Variants in MARCHF11 observed in about 807,000 individuals in gnomAD.
MARCHF11 encodes membrane associated ring-CH-type finger 11.
In MARCHF11, 29 loss-of-function variants were observed where a neutral mutation model predicts 37.3. The observed-to-expected ratio is 0.78, with a 90% CI of 0.58 to 1.06. The LOEUF is 1.06. MARCHF11 is among the 50% of genes least tolerant of loss of function. The pLI is 0.00. For missense variants in MARCHF11, 482 were observed against 533.4 expected, an observed-to-expected ratio of 0.90 and a Z score of 0.95; for synonymous variants, 233 against 228.0, an observed-to-expected ratio of 1.02 and a Z score of -0.20.
At chr5:16,176,246 A>G (rs1372788357) in intron 2 of MARCHF11, among the ~76,000 whole-genome samples, 1 of 152,146 alleles carries the variant, frequency 6.6e-6, no homozygotes, top group East Asian at 1.9e-4. Context: ...GTTTCAGCCA[A>G]TGAGTGTCTG....
intron 2 of MARCHF11, among the ~76,000 whole-genome samples, chr5:16,117,533 C>T (rs888828275): frequency 3.9e-5 from 6 of 152,288 alleles, no homozygotes; most frequent in African/African-American, 1.4e-4. Context: ...TGGTCTTGAG[C>T]CTACAGGAAG....
At chr5:16,084,290 C>T (rs961630681) in intron 3 of MARCHF11, among the ~76,000 whole-genome samples, 2 of 152,146 alleles carry the variant, frequency 1.3e-5, no homozygotes, top group Non-Finnish European at 2.9e-5. Context: ...GTAGCTCTAG[C>T]TAGATATATT....
intron 3 of MARCHF11, among the ~76,000 whole-genome samples, chr5:16,076,488 G>C (rs1197802819): frequency 6.6e-6 from 1 of 152,118 alleles, no homozygotes; most frequent in East Asian, 1.9e-4. Context: ...ATAATTGGTA[G>C]AATGGACTGG....
rs1427608914 is a variant in MARCHF11, at chr5:16,160,769, G to C, written c.693+16957C>G. On this transcript the variant is annotated intron_variant, in intron 2 of 3. Coordinates refer to ENST00000332432, the MANE Select transcript of MARCHF11 (RefSeq NM_001102562.3). ...CAAATTAGGTGAGCAATAACAAATG[G>C]CAAAGCTTTTTAAGTAAATGGAACC... Among the ~76,000 whole-genome samples the C allele has an allele frequency of 2.6e-5, 4 of 151,874 alleles. No homozygotes were observed. The East Asian group carries it at 7.8e-4, about 30-fold the overall frequency.
intron 3 of MARCHF11, among the ~76,000 whole-genome samples, chr5:16,072,155 C>G (rs1736450757): frequency 6.6e-6 from 1 of 152,040 alleles, no homozygotes; most frequent in South Asian, 2.1e-4. Flanking sequence ...AAATTCAGAC[C>G]TAGAGAGCTG....
intron 2 of MARCHF11, among the ~76,000 whole-genome samples, chr5:16,168,560 A>T (rs1738208158): frequency 6.6e-6 from 1 of 152,140 alleles, no homozygotes; most frequent in South Asian, 2.1e-4. Context: ...GTGGTTTTGC[A>T]TTCAAAATTT....
intron 2 of MARCHF11, among the ~76,000 whole-genome samples, chr5:16,093,009 C>A (rs906815890): frequency 2.0e-5 from 3 of 152,186 alleles, no homozygotes; most frequent in Non-Finnish European, 2.9e-5. Flanking sequence ...ATATGGTGAG[C>A]AACGAAGAAA....
At chr5:16,170,709 A>C (rs1738249064) in intron 2 of MARCHF11, among the ~76,000 whole-genome samples, 1 of 152,176 alleles carries the variant, frequency 6.6e-6, no homozygotes, top group African/African-American at 2.4e-5. Flanking sequence ...AATGAATGTC[A>C]GCAATATTGA....
intron 2 of MARCHF11, among the ~76,000 whole-genome samples, chr5:16,164,708 GT>G (rs1399296511): frequency 6.6e-6 from 1 of 152,004 alleles, no homozygotes; most frequent in East Asian, 1.9e-4. Context: ...AAGTCCACAT[GT>G]TTTTGCCAAA....
At chr5:16,092,187 T>C (rs1205456389) in intron 2 of MARCHF11, among the ~76,000 whole-genome samples, 1 of 144,740 alleles carries the variant, frequency 6.9e-6, no homozygotes, top group East Asian at 1.9e-4. Flanking sequence ...TCTCCCTCAT[T>C]GTCTGTCTCT....
chr5:16,158,176 A>T (rs1424847753), intron 2 of MARCHF11, among the ~76,000 whole-genome samples: 1 of 151,956 alleles, frequency 6.6e-6, no homozygotes, highest in Non-Finnish European at 1.5e-5. Flanking sequence ...ACGAAAGATA[A>T]GTGTTGGCAA....
At chr5:16,098,281 T>C (rs139339134) in intron 2 of MARCHF11, among the ~76,000 whole-genome samples, 316 of 152,310 alleles carry the variant, frequency 2.1e-3, no homozygotes, top group African/African-American at 7.2e-3. Flanking sequence ...TTTACTTCTA[T>C]TCGACCTTGC....
intron 2 of MARCHF11, among the ~76,000 whole-genome samples, chr5:16,126,730 G>C (rs1397622566): frequency 6.6e-6 from 1 of 152,084 alleles, no homozygotes; most frequent in Non-Finnish European, 1.5e-5. Context: ...GGACACACAG[G>C]GTTAAGATTC....
At chr5:16,164,824 C>T (rs750079221) in intron 2 of MARCHF11, among the ~76,000 whole-genome samples, 1 of 152,046 alleles carries the variant, frequency 6.6e-6, no homozygotes, top group Non-Finnish European at 1.5e-5. Flanking sequence ...GCACAGCCAC[C>T]ATTTTGTCCC....
At chr5:16,108,775 G>A (rs2126568698) in intron 2 of MARCHF11, among the ~76,000 whole-genome samples, 1 of 152,276 alleles carries the variant, frequency 6.6e-6, no homozygotes, top group Admixed American at 6.5e-5. Context: ...TTATCTCCAA[G>A]TAGCTAAGTT....
At chr5:16,137,687 T>G (rs1579405057) in intron 2 of MARCHF11, among the ~76,000 whole-genome samples, 1 of 152,144 alleles carries the variant, frequency 6.6e-6, no homozygotes. Flanking sequence ...TTCTAGAGAC[T>G]TATTGAATTG....
chr5:16,139,967 C>T lies in MARCHF11; in HGVS notation c.693+37759G>A, dbSNP rs1349636455. 3.3e-5 allele frequency among the ~76,000 whole-genome samples: 5 copies of T among 152,128 alleles called. No individual in the cohort carries two copies. The East Asian group carries it at 9.6e-4, about 29-fold the overall frequency. ...ATTACAAAAGTAGAAATTAAATAGA[C>T]AATACTTGCTGTTGACAATGTAATA... On this transcript the variant is annotated intron_variant, in intron 2 of 3. Transcript: ENST00000332432.
chr5:16,123,719 A>G (rs1389389326), intron 2 of MARCHF11, among the ~76,000 whole-genome samples: 1 of 150,032 alleles, frequency 6.7e-6, no homozygotes. Context: ...ACTGCCTCAT[A>G]GATACCTGCT....
In MARCHF11 at chr5:16,067,296, A is replaced by G. The variant is rs550654845; in HGVS notation, c.*175T>C. The G allele has an allele frequency of 3.5e-6, 2 of 572,488 alleles. No individual in the cohort carries two copies. The highest frequency in any genetic ancestry group is 5.7e-5 in the South Asian group (2 of 34,928). The allele number at this position is 572,488 out of a possible 1,614,324, so 35.5% of individuals were successfully genotyped here. ...GATGTGACAAACCAGACAACGAAGA[A>G]CAAGAGGACTCTTTTTCTCAGAAAA... On this transcript the variant is annotated 3_prime_UTR_variant, in exon 4 of 4. Transcript: ENST00000332432.
Sources: gnomAD v4.1 joint callset for allele counts (sites outside exome capture counted in the v4.1 genomes callset) on GRCh38, gnomAD v4.1.1 for gene constraint, MANE v1.5 for transcripts, NCBI Gene and HGNC (gene_info 2026-07-23, HGNC 2026-07-21) for gene names.